The following FBXL13 variants were observed in gnomAD, a reference collection of about 807,000 sequenced individuals.
FBXL13 encodes F-box and leucine-rich repeat protein 13.
FBXL13 carries 67 observed loss-of-function variants against 83.6 expected under a neutral mutation model. The ratio of observed to expected loss-of-function variants is 0.80; its 90% CI spans 0.66 to 0.98. FBXL13 has a LOEUF of 0.98. Ranked by LOEUF, FBXL13 falls within the 50% of genes least tolerant of loss-of-function variation. The pLI is 0.00. For synonymous variants in FBXL13, 272 were observed against 299.5 expected, an observed-to-expected ratio of 0.91 and a Z score of 0.95; for missense variants, 822 against 866.5, an observed-to-expected ratio of 0.95 and a Z score of 0.64.
chr7:102,846,900 T>A (rs1804084234), intron 17 of FBXL13, among the ~76,000 whole-genome samples: 1 of 152,304 alleles, frequency 6.6e-6, no homozygotes, highest in Admixed American at 6.5e-5. Flanking sequence ...ACGGTGGCTG[T>A]CTGCCTGCCC....
chr7:102,884,280 G>C (rs1810495574), exon 12 of FBXL13: 2 of 1,613,704 alleles, frequency 1.2e-6, no homozygotes, highest in East Asian at 4.5e-5. Flanking sequence ...CAGTGCAGCT[G>C]TTTGCAATGT....
chr7:102,889,597 T>C (rs1021886588), intron 11 of FBXL13, among the ~76,000 whole-genome samples: 4 of 151,924 alleles, frequency 2.6e-5, no homozygotes, highest in Non-Finnish European at 5.9e-5. Flanking sequence ...GTGTGTGATG[T>C]TCCCTGCCTT....
intron 2 of FBXL13, among the ~76,000 whole-genome samples, chr7:103,043,383 T>G (rs1365884372): frequency 6.6e-6 from 1 of 152,132 alleles, no homozygotes; most frequent in African/African-American, 2.4e-5. Flanking sequence ...GGAGTGTAAA[T>G]TAGTTCAACT....
chr7:102,842,807 A>T (rs1302786444), intron 17 of FBXL13, among the ~76,000 whole-genome samples: 2 of 152,206 alleles, frequency 1.3e-5, no homozygotes, highest in African/African-American at 4.8e-5. Context: ...TAGCACAGAT[A>T]GTCCAGAGTA....
intron 17 of FBXL13, 130 bp from the exon 19 acceptor site, chr7:102,833,104 A>T: frequency 1.1e-6 from 1 of 948,404 alleles, no homozygotes; most frequent in Non-Finnish European, 1.5e-6. Flanking sequence ...CCCCCAAAAA[A>T]TAATTTAAAA....
At chr7:102,837,910 ACTT>A (rs1802280723) in intron 17 of FBXL13, among the ~76,000 whole-genome samples, 1 of 152,166 alleles carries the variant, frequency 6.6e-6, no homozygotes. Flanking sequence ...ATTGACTGTA[ACTT>A]CTTGAGGGTA....
intron 2 of FBXL13, among the ~76,000 whole-genome samples, chr7:103,040,049 AC>A (rs773026115): frequency 1.3e-5 from 2 of 151,854 alleles, no homozygotes; most frequent in Non-Finnish European, 2.9e-5. Context: ...AAGAGTCAAG[AC>A]CCATCAGTGT....
intron 6 of FBXL13, among the ~76,000 whole-genome samples, chr7:102,993,014 G>C (rs1036992004): frequency 6.6e-6 from 1 of 152,196 alleles, no homozygotes; most frequent in Non-Finnish European, 1.5e-5. Context: ...GTGACTTCTA[G>C]ATGTTTTGTT....
intron 2 of FBXL13, chr7:103,055,176 T>C (rs1294650909): frequency 1.6e-5 from 20 of 1,280,748 alleles, no homozygotes; most frequent in Non-Finnish European, 2.0e-5. Flanking sequence ...AATGCACATA[T>C]CCCTTTAATA....
rs188477477 is a variant in FBXL13 at position 102,936,942 on chromosome 7, C to G, written c.725-5009G>C. Among the ~76,000 whole-genome samples the G allele has an allele frequency of 3.9e-5, 6 of 151,922 alleles. No individual in the cohort carries two copies. In the East Asian group the frequency reaches 1.2e-3, roughly 29 times the overall value. Reference sequence around the variant, plus strand: ...TTTTTTCCTTTTTTCCCATATTTTTCTCTTGAAAAACATCAGCTTATAAAA... The same window carrying G: ...TTTTTTCCTTTTTTCCCATATTTTTGTCTTGAAAAACATCAGCTTATAAAA... On this transcript the variant is annotated intron_variant, in intron 8 of 19. Coordinates refer to ENST00000313221, the Ensembl canonical transcript of FBXL13.
Position 102,844,676 on chromosome 7 carries a change from T to C in FBXL13, c.1719+10101A>G, listed in dbSNP as rs556982943. 5.3e-5 allele frequency among the ~76,000 whole-genome samples: 8 copies of C among 152,310 alleles called. No homozygotes were observed. In the East Asian group the frequency reaches 1.5e-3, roughly 29 times the overall value. ...GGTTTTTCTATACACTGACCAATTC[T>C]GTGACACCAACTGGATGTTCTACAA... is the stretch of plus-strand genomic sequence containing the variant. On this transcript the variant is annotated intron_variant, in intron 17 of 19. Coordinates refer to ENST00000313221, the Ensembl canonical transcript of FBXL13.
rs143293905 is a variant in FBXL13 at position 103,057,600 on chromosome 7, T to C, written c.-104-1853A>G. Reference sequence around the variant, plus strand: ...CTACCGAGTATATACATTTGAAAAATTGTAGCTTAGTACACATAGGTGGGA... The same window carrying C: ...CTACCGAGTATATACATTTGAAAAACTGTAGCTTAGTACACATAGGTGGGA... On this transcript the variant is annotated intron_variant, in intron 1 of 19. Coordinates refer to ENST00000313221, the Ensembl canonical transcript of FBXL13. Among the ~76,000 whole-genome samples, 25 of 152,324 alleles carry C rather than the reference T, an allele frequency of 1.6e-4. No individual in the cohort carries two copies. The East Asian group carries it at 3.9e-3, about 23-fold the overall frequency.
At chr7:102,973,373 C>T in intron 6 of FBXL13, 2 of 677,306 alleles carry the variant, frequency 3.0e-6, no homozygotes, top group Middle Eastern at 3.2e-4. Flanking sequence ...GGCCGGAAGA[C>T]ACGTACCCCT....
chr7:102,961,048 CCT>C (rs1234368525), intron 8 of FBXL13, among the ~76,000 whole-genome samples: 6 of 147,688 alleles, frequency 4.1e-5, no homozygotes, highest in African/African-American at 1.5e-4. Flanking sequence ...TCAAATTGTC[CCT>C]GTTTGCAGAC....
intron 8 of FBXL13, among the ~76,000 whole-genome samples, chr7:102,962,069 AT>A (rs1825307549): frequency 6.6e-6 from 1 of 151,002 alleles, no homozygotes; most frequent in African/African-American, 2.5e-5. Context: ...ATGGGAGAAA[AT>A]TTTCACAACT....
At chr7:103,056,887 T>C (rs945701838) in intron 1 of FBXL13, among the ~76,000 whole-genome samples, 1 of 152,182 alleles carries the variant, frequency 6.6e-6, no homozygotes, top group Non-Finnish European at 1.5e-5. Context: ...CATTGTGGTT[T>C]TGATTTGCAT....
intron 6 of FBXL13, among the ~76,000 whole-genome samples, chr7:102,970,027 G>T (rs1826447869): frequency 6.6e-6 from 1 of 152,122 alleles, no homozygotes; most frequent in South Asian, 2.1e-4. Context: ...GAGGTGGGAG[G>T]CTTGCTTGAG....
At chr7:103,068,496 G>GA (rs1344700371) in intron 1 of FBXL13, among the ~76,000 whole-genome samples, 1 of 152,010 alleles carries the variant, frequency 6.6e-6, no homozygotes, top group Non-Finnish European at 1.5e-5. Flanking sequence ...ACAACAACTA[G>GA]AAAAAAACAG....
chr7:102,976,075 C>T (rs778398332), intron 6 of FBXL13: 1 of 766,424 alleles, frequency 1.3e-6, no homozygotes, highest in Non-Finnish European at 2.4e-6. Flanking sequence ...TGTGAGCGGC[C>T]CCTGCAAGGA....
Sources: allele counts gnomAD v4.1 joint callset (sites outside exome capture counted in the v4.1 genomes callset), GRCh38; gene constraint gnomAD v4.1.1; transcripts MANE v1.5; gene names NCBI Gene and HGNC (gene_info 2026-07-23, HGNC 2026-07-21).